KAT2B: variants seen among roughly 807,000 people sequenced by gnomAD.
KAT2B encodes lysine acetyltransferase 2B.
Under a neutral mutation model 105.9 loss-of-function variants are expected in KAT2B, and 36 were observed. That is an observed-to-expected ratio of 0.34 (90% CI 0.26 to 0.45). The LOEUF (loss-of-function observed/expected upper bound fraction) is 0.45, where lower values mean the gene tolerates loss of function less well. KAT2B is among the 20% of genes least tolerant of loss of function. The probability of loss-of-function intolerance (pLI) is 1.00; values close to 1 mark genes in which losing one functional copy is unlikely to be tolerated. For synonymous variants in KAT2B, 397 were observed against 377.9 expected, an observed-to-expected ratio of 1.05 and a Z score of -0.59; for missense variants, 820 against 1,021.6, an observed-to-expected ratio of 0.80 and a Z score of 2.69.
rs1699890691 is a variant in KAT2B at position 20,152,714 on chromosome 3, A to G, written c.*189A>G. On this transcript the variant is annotated 3_prime_UTR_variant, in exon 18 of 18. Transcript: ENST00000263754. ...TGTATTTAAATTGAAGTCATAGGAC[A>G]TTTTTATTTTATGGAATAGATTTTA... The G allele has an allele frequency of 2.2e-6, 1 of 456,700 alleles. No homozygotes were observed. Among genetic ancestry groups the G allele is most frequent in the Non-Finnish European group, 3.9e-6 (1 of 254,848 alleles). 28.3% of individuals were successfully genotyped at this position (456,700 alleles called of 1,614,324 possible).
intron 13 of KAT2B, 51 bp downstream of exon 13, chr3:20,140,415 G>A: frequency 6.3e-7 from 1 of 1,594,562 alleles, no homozygotes; most frequent in Admixed American, 1.7e-5. Flanking sequence ...GTCTTAGCTG[G>A]GGTGGGTTGC....
At chr3:20,062,042 AT>A (rs1342979611) in intron 1 of KAT2B, among the ~76,000 whole-genome samples, 1 of 103,462 alleles carries the variant, frequency 9.7e-6, no homozygotes, top group Non-Finnish European at 1.8e-5. Context: ...TATATTATAT[AT>A]AAAACATATA....
intron 3 of KAT2B, among the ~76,000 whole-genome samples, chr3:20,095,647 C>T (rs1698795635): frequency 6.6e-6 from 1 of 152,152 alleles, no homozygotes; most frequent in South Asian, 2.1e-4. Context: ...TTTGCATATG[C>T]AAATAGATTT....
intron 13 of KAT2B, among the ~76,000 whole-genome samples, chr3:20,142,237 C>T (rs1699706661): frequency 6.6e-6 from 1 of 152,134 alleles, no homozygotes; most frequent in Non-Finnish European, 1.5e-5. Flanking sequence ...AGCCAAGGCT[C>T]CCTCCCCATT....
chr3:20,130,852 TTAGTG>T (rs1486475321), intron 11 of KAT2B, among the ~76,000 whole-genome samples: 9 of 122,674 alleles, frequency 7.3e-5, no homozygotes, highest in Non-Finnish European at 1.5e-4. Context: ...ATGGATGAGT[TTAGTG>T]TGTGTGTGTG....
At chr3:20,060,544 T>G (rs1269493780) in intron 1 of KAT2B, among the ~76,000 whole-genome samples, 1 of 152,094 alleles carries the variant, frequency 6.6e-6, no homozygotes, top group African/African-American at 2.4e-5. Flanking sequence ...GAGGTTGCAG[T>G]GAGCTGAGAT....
At chr3:20,050,431 T>C (rs1697896831) in intron 1 of KAT2B, among the ~76,000 whole-genome samples, 1 of 152,154 alleles carries the variant, frequency 6.6e-6, no homozygotes, top group Admixed American at 6.6e-5. Context: ...GAGGGTTCTC[T>C]TGTGCCTCCT....
At chr3:20,052,661 GA>G (rs199840608) in intron 1 of KAT2B, among the ~76,000 whole-genome samples, 95 of 134,234 alleles carry the variant, frequency 7.1e-4, no homozygotes, top group Admixed American at 1.2e-3. Context: ...TTAAAAAAAA[GA>G]AAAAAAAAAA....
At chr3:20,146,249 G>C (rs1376175676) in intron 13 of KAT2B, 67 bp from the exon 14 acceptor site, 24 of 880,860 alleles carry the variant, frequency 2.7e-5, no homozygotes, top group Non-Finnish European at 4.3e-5. Context: ...ATTTCATTAG[G>C]TTGACTGACT....
At chr3:20,138,558 G>GT (rs1699643689) in intron 12 of KAT2B, among the ~76,000 whole-genome samples, 1 of 151,868 alleles carries the variant, frequency 6.6e-6, no homozygotes, top group South Asian at 2.1e-4. Context: ...TGTATAAGGG[G>GT]GTCAGGAAAG....
rs552202099 is a variant in KAT2B at position 20,103,168 on chromosome 3, A to G, written c.851+1700A>G. 9.3e-4 allele frequency among the ~76,000 whole-genome samples: 141 copies of G among 152,270 alleles called. 1 individual carries two copies. Among genetic ancestry groups the G allele is most frequent in the Non-Finnish European group, 1.5e-3 (103 of 68,024 alleles). On this transcript the variant is annotated intron_variant, in intron 5 of 17. Coordinates refer to ENST00000263754, the MANE Select transcript of KAT2B (RefSeq NM_003884.5). The stretch of plus-strand genomic sequence containing the variant: ...GATTTTACATTAACAATAGTTCTGT[A>G]TTATTGAAACTCTGCTATATTATTG...
chr3:20,087,952 AT>A (rs35016483), intron 2 of KAT2B, among the ~76,000 whole-genome samples: 1 of 151,168 alleles, frequency 6.6e-6, no homozygotes, highest in Non-Finnish European at 1.5e-5. Flanking sequence ...TTAAAAAAAA[AT>A]TTTTTTTTGT....
chr3:20,094,502 C>A (rs967264885), intron 2 of KAT2B, among the ~76,000 whole-genome samples: 1 of 152,024 alleles, frequency 6.6e-6, no homozygotes, highest in African/African-American at 2.4e-5. Context: ...ATACCGACCG[C>A]ATGGGATTGG....
chr3:20,122,583 A>G (rs1699329534), intron 8 of KAT2B, 85 bp from the exon 9 acceptor site: 2 of 1,075,056 alleles, frequency 1.9e-6, no homozygotes, highest in Non-Finnish European at 2.7e-6. Context: ...ATGCCCATCA[A>G]TGCTGTTAGA....
At chr3:20,092,828 A>T (rs1559310467) in intron 2 of KAT2B, among the ~76,000 whole-genome samples, 1 of 151,944 alleles carries the variant, frequency 6.6e-6, no homozygotes, top group Non-Finnish European at 1.5e-5. Flanking sequence ...CAGCCTCCTG[A>T]GTAGCTAGAA....
At chr3:20,125,593 A>G (rs977020637) in intron 9 of KAT2B, among the ~76,000 whole-genome samples, 16 of 152,202 alleles carry the variant, frequency 1.1e-4, no homozygotes, top group Non-Finnish European at 2.2e-4. Context: ...ATGGCTCACA[A>G]CGTCTAAAAT....
chr3:20,150,129 G>A (rs190254249), intron 17 of KAT2B, among the ~76,000 whole-genome samples: 2 of 152,172 alleles, frequency 1.3e-5, no homozygotes, highest in African/African-American at 4.8e-5. Flanking sequence ...GTCTCACAAG[G>A]GGGGAAACTG....
Position 20,101,350 on chromosome 3 carries a change from G to A in KAT2B, c.733G>A (p.Val245Ile). 1 of 1,614,094 alleles carries A rather than the reference G, an allele frequency of 6.2e-7. No individual in the cohort carries two copies. Among genetic ancestry groups the A allele is most frequent in the Non-Finnish European group, 8.5e-7 (1 of 1,180,000 alleles). ...GCCAGCAAAAGAAAGGCAAACAATA[G>A]TTGAGTTGGCAAAAATGTTCCTAAA... is the stretch of plus-strand genomic sequence containing the variant. Reference protein sequence around the residue: ...HLPAKERQTIVELAKMFLNRI... With the variant: ...HLPAKERQTIIELAKMFLNRI... Residue 245 changes from valine to isoleucine, a missense_variant, in exon 5 of 18, where the codon GTT becomes ATT. This residue lies in a region of KAT2B where 173 missense variants were observed against 249.5 expected (regional missense o/e 0.69). Transcript: ENST00000263754.
chr3:20,100,163 A>G (rs9917784), intron 4 of KAT2B, among the ~76,000 whole-genome samples: 32,634 of 152,110 alleles, frequency 0.21, 4,621 homozygotes, highest in East Asian at 0.43. Flanking sequence ...GGGTTGTTAC[A>G]TACTCACAGT....
Sources: gnomAD v4.1 joint callset for allele counts (sites outside exome capture counted in the v4.1 genomes callset) on GRCh38, gnomAD v4.1.1 for gene constraint, gnomAD v4.1.1 regional missense constraint, MANE v1.5 for transcripts, NCBI Gene and HGNC (gene_info 2026-07-23, HGNC 2026-07-21) for gene names.